Variants in DYNC2H1 observed in about 807,000 individuals in gnomAD.
DYNC2H1 encodes cytoplasmic dynein 2 heavy chain 1.
DYNC2H1 carries 410 observed loss-of-function variants against 570.0 expected under a neutral mutation model. The observed-to-expected ratio is 0.72, with a 90% CI of 0.66 to 0.78. The LOEUF (loss-of-function observed/expected upper bound fraction) is 0.78. Among genes scored for constraint, DYNC2H1 ranks in the 30% least tolerant of loss-of-function variants. DYNC2H1 has a pLI of 0.00. For missense variants in DYNC2H1, 4,865 were observed against 5,046.4 expected (o/e 0.96, Z 1.09); for synonymous variants, 1,688 against 1,677.6 (o/e 1.01, Z -0.15).
In DYNC2H1 at chr11:103,135,635, G is replaced by A; in HGVS notation, c.2345+1G>A. ...AAATAAATATAGACTTAACTTACAA[G>A]TAAGATGTTTTTTCAACCCCAATTT... On this transcript the variant is annotated splice_donor_variant, in intron 16 of 88. Coordinates refer to ENST00000375735, the MANE Select transcript of DYNC2H1 (RefSeq NM_001377.3). LOFTEE classifies it high-confidence loss of function. The A allele has an allele frequency of 6.2e-7, 1 of 1,610,344 alleles. No individual in the cohort carries two copies. The highest frequency in any genetic ancestry group is 1.1e-5 in the South Asian group (1 of 89,668).
chr11:103,417,329 T>TTGACCTCA (rs1943323156), intron 84 of DYNC2H1, among the ~76,000 whole-genome samples: 1 of 151,978 alleles, frequency 6.6e-6, no homozygotes, highest in African/African-American at 2.4e-5. Context: ...TCTCGATCTC[T>TTGACCTCA]TGACCTCATG....
chr11:103,142,229 C>T (rs1001833245), intron 17 of DYNC2H1, among the ~76,000 whole-genome samples: 4 of 152,254 alleles, frequency 2.6e-5, no homozygotes, highest in African/African-American at 9.6e-5. Context: ...CCTGTGCCCA[C>T]TGTCTGGCAC....
chr11:103,347,275 AATT>A (rs1225368475), intron 82 of DYNC2H1, among the ~76,000 whole-genome samples: 40 of 152,162 alleles, frequency 2.6e-4, no homozygotes, highest in African/African-American at 9.4e-4. Context: ...AATACATAAC[AATT>A]TATGACCTTT....
At chr11:103,150,355 G>A (rs1047669376) in intron 20 of DYNC2H1, among the ~76,000 whole-genome samples, 1 of 151,862 alleles carries the variant, frequency 6.6e-6, no homozygotes, top group East Asian at 1.9e-4. Context: ...ATAGACAAGA[G>A]ATGATGGAAG....
chr11:103,296,043 A>G (rs1417464565), intron 75 of DYNC2H1, among the ~76,000 whole-genome samples: 2 of 152,022 alleles, frequency 1.3e-5, no homozygotes, highest in Non-Finnish European at 2.9e-5. Flanking sequence ...TCCCCTACGC[A>G]CACAGATTCT....
rs1457720173 is a variant in DYNC2H1 at position 103,174,155 on chromosome 11, G to T, written c.5659G>T (p.Gly1887Cys). The change falls in exon 36 of 89, where the codon GGC (glycine) becomes TGC (cysteine). Residue 1887 changes from glycine to cysteine, a missense_variant. Transcript: ENST00000375735. ...GNLLRQLNKS[G>C]TTQNANESHI... is the part of the protein sequence containing the mutation. ...TCTCCTTAGACAGCTAAACAAAAGT[G>T]GCACTACACAGAATGGTATGATTGA... is the stretch of plus-strand genomic sequence containing the variant. 6.3e-7 allele frequency: 1 copy of T among 1,575,918 alleles called. No individual in the cohort carries two copies. The highest frequency in any genetic ancestry group is 1.8e-5 in the Admixed American group (1 of 54,892).
At position 103,331,405 on chromosome 11, in the gene DYNC2H1, G is replaced by A. The variant is rs11225718; in HGVS notation, c.12039+7415G>A. Among the ~76,000 whole-genome samples, 18 of 152,112 alleles carry A rather than the reference G, an allele frequency of 1.2e-4. No homozygotes were observed. The East Asian group carries it at 3.3e-3, about 28-fold the overall frequency. On this transcript the variant is annotated intron_variant, in intron 82 of 88. Coordinates refer to ENST00000375735, the MANE Select transcript of DYNC2H1 (RefSeq NM_001377.3). ...TGTGGGGAGGGGTCCATAAAACTCT[G>A]CCCCTACCCTAAGTAAAAGGAATCT...
chr11:103,396,388 C>G (rs948203892), intron 83 of DYNC2H1, among the ~76,000 whole-genome samples: 2 of 152,160 alleles, frequency 1.3e-5, no homozygotes, highest in Non-Finnish European at 1.5e-5. Flanking sequence ...CTATTTTCAT[C>G]CTACAACAGC....
chr11:103,305,551 C>G lies in DYNC2H1; in HGVS notation c.11382+831C>G, dbSNP rs978060586. Among the ~76,000 whole-genome samples, 3 of 152,050 alleles carry G rather than the reference C, an allele frequency of 2.0e-5. No individual in the cohort carries two copies. Among genetic ancestry groups the G allele is most frequent in the African/African-American group, 7.2e-5 (3 of 41,384 alleles). On this transcript the variant is annotated intron_variant, in intron 77 of 88. Coordinates refer to ENST00000375735, the MANE Select transcript of DYNC2H1 (RefSeq NM_001377.3). The surrounding 1 kb of genome is among the most constrained non-coding windows in gnomAD (Gnocchi z 4.3). ...TTAGAGGGCCAAAGGAGGTCCTTAACAGAGAAGTTAGTAATTAATTAATTA... is the reference window on the plus strand; with the variant it reads ...TTAGAGGGCCAAAGGAGGTCCTTAAGAGAGAAGTTAGTAATTAATTAATTA...
intron 83 of DYNC2H1, among the ~76,000 whole-genome samples, chr11:103,397,263 A>G (rs1482441052): frequency 1.3e-5 from 2 of 152,202 alleles, no homozygotes; most frequent in Non-Finnish European, 2.9e-5. Flanking sequence ...TAAAATGTCA[A>G]AAGCAATCCT....
intron 84 of DYNC2H1, chr11:103,402,472 G>C (rs1414550974): frequency 6.6e-6 from 1 of 152,130 alleles, no homozygotes; most frequent in Non-Finnish European, 1.5e-5. Flanking sequence ...AAGAGTCATA[G>C]AGTTGAAGTG....
chr11:103,226,692 C>T (rs528155732), intron 59 of DYNC2H1, among the ~76,000 whole-genome samples: 1 of 152,086 alleles, frequency 6.6e-6, no homozygotes, highest in East Asian at 1.9e-4. Context: ...TATGTCCTTT[C>T]CTGGTTTTGA....
chr11:103,124,127 A>G (rs374067408), intron 11 of DYNC2H1, among the ~76,000 whole-genome samples: 24 of 151,896 alleles, frequency 1.6e-4, no homozygotes, highest in South Asian at 6.2e-4. Context: ...AATACCTGCA[A>G]TTTTTCTTAA....
chr11:103,468,139 T>C (rs1945254311), intron 87 of DYNC2H1, among the ~76,000 whole-genome samples: 1 of 152,244 alleles, frequency 6.6e-6, no homozygotes, highest in South Asian at 2.1e-4. Flanking sequence ...TCTTCTTTCA[T>C]ATTCATATCA....
chr11:103,308,043 TAAG>T (rs1380615794), intron 78 of DYNC2H1, among the ~76,000 whole-genome samples: 1 of 152,218 alleles, frequency 6.6e-6, no homozygotes, highest in Admixed American at 6.5e-5. Context: ...TTTATTGTGG[TAAG>T]AAACACATAA....
At chr11:103,248,644 A>C (rs1287928248) in intron 65 of DYNC2H1, among the ~76,000 whole-genome samples, 1 of 152,082 alleles carries the variant, frequency 6.6e-6, no homozygotes, top group African/African-American at 2.4e-5. Context: ...ATTCAGACAG[A>C]TAAAATTGTG....
chr11:103,134,598 T>C (rs1204132026), intron 15 of DYNC2H1, among the ~76,000 whole-genome samples, 179 bp downstream of exon 15: 1 of 152,132 alleles, frequency 6.6e-6, no homozygotes, highest in Admixed American at 6.6e-5. Flanking sequence ...AACAATCAAT[T>C]TACATTTAAA....
At chr11:103,218,223 C>T (rs1863457192) in intron 55 of DYNC2H1, among the ~76,000 whole-genome samples, 1 of 152,086 alleles carries the variant, frequency 6.6e-6, no homozygotes, top group Non-Finnish European at 1.5e-5. Flanking sequence ...AGATTTTTAG[C>T]TGAGAGAAAT....
rs550932628 is a variant in DYNC2H1, at chr11:103,153,249, C to T, written c.3097-54C>T. On this transcript the variant is annotated intron_variant, in intron 21 of 88. Coordinates refer to ENST00000375735, the MANE Select transcript of DYNC2H1 (RefSeq NM_001377.3). ...AAAATATTAGAAAGAAAAGTATGAA[C>T]CCAAAATGAAATTTTACTCTGCATT... 158 of 1,424,882 alleles carry T rather than the reference C, an allele frequency of 1.1e-4. 1 individual carries two copies. The African/African-American group carries it at 2.3e-3, about 20-fold the overall frequency. The allele number at this position is 1,424,882 out of a possible 1,614,324, so 88.3% of individuals were successfully genotyped here. A position where few individuals can be genotyped will look rare whatever the true frequency, so the allele number is the denominator to read the frequency against.
Sources: gnomAD v4.1 joint callset for allele counts (sites outside exome capture counted in the v4.1 genomes callset) on GRCh38, gnomAD v4.1.1 for gene constraint, Gnocchi (gnomAD v3.1) non-coding constraint, MANE v1.5 for transcripts, NCBI Gene and HGNC (gene_info 2026-07-23, HGNC 2026-07-21) for gene names.